LRRC41: variants seen among roughly 807,000 people sequenced by gnomAD.
The protein encoded by LRRC41 is leucine-rich repeat-containing protein 41.
A neutral mutation model predicts 72.1 loss-of-function variants in LRRC41; 17 were observed. The ratio of observed to expected loss-of-function variants is 0.24; its 90% CI spans 0.16 to 0.35. The LOEUF (loss-of-function observed/expected upper bound fraction) is 0.35, where lower values mean the gene tolerates loss of function less well. LRRC41 is among the 10% of genes least tolerant of loss of function. The pLI is 1.00. For missense variants in LRRC41, 759 were observed against 1,065.0 expected (o/e 0.71, Z 4.00); for synonymous variants, 427 against 431.0 (o/e 0.99, Z 0.11).
intron 3 of LRRC41, among the ~76,000 whole-genome samples, chr1:46,289,783 T>C (rs527970180): frequency 2.0e-5 from 3 of 152,254 alleles, no homozygotes; most frequent in Non-Finnish European, 4.4e-5. Flanking sequence ...GAGTCTATGC[T>C]AAAATTCGAA....
Position 46,278,313 on chromosome 1 carries a change from G to T in LRRC41, c.*552C>A. On this transcript the variant is annotated 3_prime_UTR_variant, in exon 10 of 10. Coordinates refer to ENST00000617190, the MANE Select transcript of LRRC41 (RefSeq NM_006369.5). Reference sequence around the variant, plus strand: ...AGCTGGTCTGGGTGTAGCTCTTAGAGGAAGGAGATAGGGAAAAGGGGCTCC... The same window carrying T: ...AGCTGGTCTGGGTGTAGCTCTTAGATGAAGGAGATAGGGAAAAGGGGCTCC... 1 of 1,583,848 alleles carries T rather than the reference G, an allele frequency of 6.3e-7. No homozygotes were observed. Among genetic ancestry groups the T allele is most frequent in the Non-Finnish European group, 8.6e-7 (1 of 1,163,492 alleles).
rs1392884907 is a variant in LRRC41, at chr1:46,297,574, A to T, written c.346T>A (p.Ser116Thr). 4 of 1,613,972 alleles carry T rather than the reference A, an allele frequency of 2.5e-6. No homozygotes were observed. The South Asian group carries it at 4.4e-5, about 18-fold the overall frequency. ...ATACCTTAACTTACTTCCAAACTGG[A>T]AGGCCTTGTCTTCATCAGTTCATCC... is the stretch of plus-strand genomic sequence containing the variant. ...LWDELMKTRPSSLESVTCWRA... is the reference protein window; with the variant it reads ...LWDELMKTRPTSLESVTCWRA... Residue 116 changes from serine (S) to threonine (T), a missense_variant, in exon 3 of 10, where the codon TCC becomes ACC. Coordinates refer to ENST00000617190, the MANE Select transcript of LRRC41 (RefSeq NM_006369.5).
chr1:46,294,562 C>T (rs1458724605), intron 3 of LRRC41, among the ~76,000 whole-genome samples: 1 of 149,916 alleles, frequency 6.7e-6, no homozygotes, highest in Non-Finnish European at 1.5e-5. Flanking sequence ...CTGTACCCGA[C>T]TCTTGTGCCT....
In LRRC41 at chr1:46,303,586, T is replaced by G; in HGVS notation, c.-264A>C. On this transcript the variant is annotated 5_prime_UTR_variant, in exon 1 of 10. Coordinates refer to ENST00000617190, the MANE Select transcript of LRRC41 (RefSeq NM_006369.5). ...GTGCAAACATCAGCTACCCCTAACC[T>G]CTGCCTGCGGCTGGTAGTACATGCC... The G allele has an allele frequency of 1.0e-6, 1 of 955,912 alleles. No homozygotes were observed. 59.2% of individuals were successfully genotyped at this position (955,912 alleles called of 1,614,324 possible).
chr1:46,300,511 C>T (rs1448558761), intron 1 of LRRC41: 1 of 152,132 alleles, frequency 6.6e-6, no homozygotes, highest in Non-Finnish European at 1.5e-5. Flanking sequence ...TATGCTTTTA[C>T]ACGAATGTAG....
At chr1:46,294,927 T>C (rs969617175) in intron 3 of LRRC41, among the ~76,000 whole-genome samples, 2 of 152,118 alleles carry the variant, frequency 1.3e-5, no homozygotes, top group East Asian at 3.9e-4. Context: ...CATTAGAGTA[T>C]ACTGTAAAGT....
At position 46,277,953 on chromosome 1, in the gene LRRC41, A is replaced by AAC. The variant is rs1330682794; in HGVS notation, c.*911_*912insGT. On this transcript the variant is annotated 3_prime_UTR_variant, in exon 10 of 10. Coordinates refer to ENST00000617190, the MANE Select transcript of LRRC41 (RefSeq NM_006369.5). ...TTGAAGGAGCTGTTTATCCTGGATG[A>AAC]AGCTAGCCTCAGTGACACACATGAC... 6.2e-7 allele frequency: 1 copy of AAC among 1,614,156 alleles called. No individual in the cohort carries two copies.
chr1:46,299,825 C>T (rs894569232), intron 1 of LRRC41: 5 of 150,846 alleles, frequency 3.3e-5, no homozygotes, highest in East Asian at 2.0e-4. Flanking sequence ...TGCAGTGAGC[C>T]GAGATGGCGC....
chr1:46,280,740 T>A (rs1057170512), intron 5 of LRRC41, among the ~76,000 whole-genome samples, 180 bp from the exon 6 acceptor site: 1 of 152,186 alleles, frequency 6.6e-6, no homozygotes, highest in South Asian at 2.1e-4. Context: ...AATATGAGAT[T>A]TAGTCCTTGC....
At chr1:46,284,636 A>G (rs1367447554) in intron 4 of LRRC41, among the ~76,000 whole-genome samples, 1 of 151,888 alleles carries the variant, frequency 6.6e-6, no homozygotes, top group East Asian at 1.9e-4. Flanking sequence ...GCAGATGGAG[A>G]GTTTATAGGC....
Position 46,297,606 on chromosome 1 carries a change from C to T in LRRC41, c.314G>A (p.Arg105Gln), listed in dbSNP as rs181586961. The T allele has an allele frequency of 1.2e-4, 197 of 1,614,112 alleles. 1 individual carries two copies. Among genetic ancestry groups the T allele is most frequent in the Middle Eastern group, 1.6e-4 (1 of 6,062 alleles). ...TGTCTTCATCAGTTCATCCCAGAGT[C>T]GGCGCCAGATGGCCTGAGTTGAGAG... The part of the protein sequence containing the change: ...KGLSTQAIWR[R>Q]LWDELMKTRP... Residue 105 changes from arginine to glutamine, a missense_variant, in exon 3 of 10, where the codon CGA (arginine) becomes CAA (glutamine). This residue lies in a region of LRRC41 where 116 missense variants were observed against 250.9 expected (regional missense o/e 0.46). Coordinates refer to ENST00000617190, the MANE Select transcript of LRRC41 (RefSeq NM_006369.5).
At chr1:46,282,970 G>A (rs1302824854) in intron 4 of LRRC41, among the ~76,000 whole-genome samples, 4 of 149,642 alleles carry the variant, frequency 2.7e-5, no homozygotes, top group African/African-American at 2.5e-5. Context: ...GTTGCAGTAA[G>A]CCAAGATTGC....
At position 46,278,806 on chromosome 1, in the gene LRRC41, A is replaced by G; in HGVS notation, c.*59T>C. 6.6e-7 allele frequency: 1 copy of G among 1,513,352 alleles called. No individual in the cohort carries two copies. Among genetic ancestry groups the G allele is most frequent in the Admixed American group, 1.7e-5 (1 of 58,658 alleles). 93.7% of individuals were successfully genotyped at this position (1,513,352 alleles called of 1,614,324 possible). Reference sequence around the variant, plus strand: ...TGGTGGTTGGGGTTCTGGGCAGCCCATGCTTCAGCCCCTGCAAGCTGATGG... The same window carrying G: ...TGGTGGTTGGGGTTCTGGGCAGCCCGTGCTTCAGCCCCTGCAAGCTGATGG... On this transcript the variant is annotated 3_prime_UTR_variant, in exon 10 of 10. Transcript: ENST00000617190.
intron 3 of LRRC41, among the ~76,000 whole-genome samples, chr1:46,293,801 T>C (rs973342916): frequency 2.6e-5 from 4 of 151,946 alleles, no homozygotes; most frequent in Non-Finnish European, 4.4e-5. Context: ...TCTCACTATG[T>C]CACCGAGGCT....
chr1:46,279,346 C>A lies in LRRC41; in HGVS notation c.2144-89G>T, dbSNP rs549914473. On this transcript the variant is annotated intron_variant, in intron 8 of 9. Transcript: ENST00000617190. The surrounding 1 kb of genome is among the most constrained non-coding windows in gnomAD (Gnocchi z 4.5). ...CCAACTATGGCTGGCAGAACCAGCC[C>A]TGCTGGTTCCTGAAGCCCCAGCACA... is the stretch of plus-strand genomic sequence containing the variant. The A allele has an allele frequency of 1.9e-6, 3 of 1,555,164 alleles. No homozygotes were observed. Among genetic ancestry groups the A allele is most frequent in the Non-Finnish European group, 2.7e-6 (3 of 1,126,600 alleles).
Position 46,286,286 on chromosome 1 carries a change from G to C in LRRC41, c.571C>G (p.Leu191Val), listed in dbSNP as rs1557714960. 1 of 1,614,242 alleles carries C rather than the reference G, an allele frequency of 6.2e-7. No homozygotes were observed. The highest frequency in any genetic ancestry group is 2.2e-5 in the East Asian group (1 of 44,892). ...TTGAGAGTGTGCAGGGAGCTGGCCA[G>C]GGTCTCCAGAACCCTGCGGTTGGGC... ...AEPNRRVLETLASSLHTLKFR... is the reference protein window; with the variant it reads ...AEPNRRVLETVASSLHTLKFR... The change falls in exon 4 of 10, where the codon CTG becomes GTG. Residue 191 changes from leucine (L) to valine (V), a missense_variant. Leu to Val is a conservative substitution (Grantham distance 32). Around this residue, in one of 4 missense-constraint regions of LRRC41, gnomAD observed 116 missense variants for 250.9 expected, o/e 0.46. Coordinates refer to ENST00000617190, the MANE Select transcript of LRRC41 (RefSeq NM_006369.5). The surrounding 1 kb of genome is among the most constrained non-coding windows in gnomAD (Gnocchi z 5.5).
chr1:46,302,306 C>G lies in LRRC41; in HGVS notation c.199+818G>C, dbSNP rs1001004742. ...GGCCTCCTTGGCCCTTCCCGCCTGTCCGTCATTCGAGCCTCCCTCGCTTGT... is the reference window on the plus strand; with the variant it reads ...GGCCTCCTTGGCCCTTCCCGCCTGTGCGTCATTCGAGCCTCCCTCGCTTGT... On this transcript the variant is annotated intron_variant, in intron 1 of 9. Transcript: ENST00000617190. The surrounding 1 kb of genome is among the most constrained non-coding windows in gnomAD (Gnocchi z 4.7). 1.2e-5 allele frequency: 12 copies of G among 985,440 alleles called. No individual in the cohort carries two copies. The highest frequency in any genetic ancestry group is 1.4e-5 in the Non-Finnish European group (12 of 829,932). 61.0% of individuals were successfully genotyped at this position (985,440 alleles called of 1,614,324 possible).
At position 46,303,274 on chromosome 1, in the gene LRRC41, C is replaced by T. The variant is rs938167630; in HGVS notation, c.49G>A (p.Val17Ile). 4 of 1,544,664 alleles carry T rather than the reference C, an allele frequency of 2.6e-6. No homozygotes were observed. The highest frequency in any genetic ancestry group is 3.5e-6 in the Non-Finnish European group (4 of 1,145,894). ...GCCTCCATGGTCGTTGCCGCCGCTA[C>T]CTCACAGAACCAGCAACTCCGGGCG... ...WRARSCWFCEVAAATTMEATS... is the reference protein window; with the variant it reads ...WRARSCWFCEIAAATTMEATS... Residue 17 changes from valine to isoleucine, a missense_variant, in exon 1 of 10, where the codon GTA becomes ATA. This residue lies in a region of LRRC41 where 106 missense variants were observed against 66.1 expected (regional missense o/e 1.60). Coordinates refer to ENST00000617190, the MANE Select transcript of LRRC41 (RefSeq NM_006369.5).
intron 1 of LRRC41, among the ~76,000 whole-genome samples, chr1:46,301,699 T>G (rs1004847612): frequency 2.5e-4 from 38 of 150,118 alleles, no homozygotes; most frequent in African/African-American, 9.4e-4. Flanking sequence ...CCCTGCAACC[T>G]CGAGTCCTCA....
Sources: gnomAD v4.1 joint callset for allele counts (sites outside exome capture counted in the v4.1 genomes callset) on GRCh38, gnomAD v4.1.1 for gene constraint, gnomAD v4.1.1 regional missense constraint, Gnocchi (gnomAD v3.1) non-coding constraint, MANE v1.5 for transcripts, NCBI Gene and HGNC (gene_info 2026-07-23, HGNC 2026-07-21) for gene names.